Variants in RANBP2 observed in about 807,000 individuals in gnomAD.
The protein encoded by RANBP2 is E3 SUMO-protein ligase RanBP2.
Under a neutral mutation model 303.6 loss-of-function variants are expected in RANBP2, and 57 were observed. That is an observed-to-expected ratio of 0.19 (90% CI 0.15 to 0.23). RANBP2 has a LOEUF of 0.23. Among genes scored for constraint, RANBP2 ranks in the 10% least tolerant of loss-of-function variants. The pLI, the probability that RANBP2 is intolerant of heterozygous loss-of-function variation, is 1.00. For missense variants in RANBP2, 3,138 were observed against 3,780.8 expected (o/e 0.83, Z 4.46); for synonymous variants, 1,167 against 1,301.5 (o/e 0.90, Z 2.23).
At chr2:109,423,358 G>T in the RANBP2 span, among the ~76,000 whole-genome samples, 162 of 152,288 alleles carry the variant, frequency 1.1e-3, no homozygotes, top group African/African-American at 3.8e-3. Context: ...CGCAGACCTT[G>T]CTGTGATCAG....
Position 108,765,970 on chromosome 2 carries a change from C to G in RANBP2, c.5431C>G (p.His1811Asp). The G allele has an allele frequency of 6.2e-7, 1 of 1,614,160 alleles. No homozygotes were observed. The highest frequency in any genetic ancestry group is 8.5e-7 in the Non-Finnish European group (1 of 1,179,994). The change falls in exon 20 of 29, where the codon CAT becomes GAT. Residue 1811 changes from histidine to aspartate, a missense_variant. By Grantham distance (81) the His-to-Asp change is moderately conservative. Around this residue, in one of 20 missense-constraint regions of RANBP2, gnomAD observed 348 missense variants for 360.4 expected, o/e 0.97. Transcript: ENST00000283195. Reference protein sequence around the residue: ...CVACDASKPTHKPIAEAPSAF... With the variant: ...CVACDASKPTDKPIAEAPSAF... Reference sequence around the variant, plus strand: ...GGCTTGTGATGCCTCTAAACCAACTCATAAACCTATTGCAGAAGCTCCTTC... The same window carrying G: ...GGCTTGTGATGCCTCTAAACCAACTGATAAACCTATTGCAGAAGCTCCTTC...
the RANBP2 span, among the ~76,000 whole-genome samples, chr2:109,630,991 G>A: frequency 2.0e-5 from 3 of 152,222 alleles, no homozygotes; most frequent in Admixed American, 6.5e-5. Flanking sequence ...ACTTGAACCC[G>A]GGAGGCGGAG....
At chr2:109,397,897 C>T in the RANBP2 span, among the ~76,000 whole-genome samples, 5 of 152,244 alleles carry the variant, frequency 3.3e-5, no homozygotes, top group South Asian at 2.1e-4. Flanking sequence ...CTGCGCACAA[C>T]GCCTGCTATC....
At chr2:109,076,220 A>G in the RANBP2 span, among the ~76,000 whole-genome samples, 1 of 150,514 alleles carries the variant, frequency 6.6e-6, no homozygotes, top group Non-Finnish European at 1.5e-5. Flanking sequence ...TGCAGAAAAT[A>G]TTTGAAAAAA....
At chr2:109,018,433 T>A in the RANBP2 span, among the ~76,000 whole-genome samples, 1 of 151,920 alleles carries the variant, frequency 6.6e-6, no homozygotes, top group Non-Finnish European at 1.5e-5. Flanking sequence ...AGCCAGGGGG[T>A]CTTTTCCCAA....
At chr2:109,568,780 G>A in the RANBP2 span, among the ~76,000 whole-genome samples, 4 of 152,182 alleles carry the variant, frequency 2.6e-5, no homozygotes, top group South Asian at 2.1e-4. Flanking sequence ...TTTGTGCCTC[G>A]TTTCAGGACT....
the RANBP2 span, among the ~76,000 whole-genome samples, chr2:109,453,567 AC>A: frequency 2.0e-5 from 3 of 152,004 alleles, no homozygotes; most frequent in African/African-American, 7.3e-5. Flanking sequence ...GGCATCCCTA[AC>A]CACCCGACCG....
the RANBP2 span, among the ~76,000 whole-genome samples, chr2:109,539,458 C>A: frequency 3.3e-5 from 5 of 151,826 alleles, no homozygotes; most frequent in East Asian, 9.8e-4. Flanking sequence ...ACCACAGCTT[C>A]TTGTTTTTTG....
At chr2:109,538,260 G>A in the RANBP2 span, among the ~76,000 whole-genome samples, 97 of 152,194 alleles carry the variant, frequency 6.4e-4, no homozygotes, top group East Asian at 0.017. Context: ...AAAGGCTCTC[G>A]GCTTTCAAGG....
chr2:109,011,497 T>C, the RANBP2 span, among the ~76,000 whole-genome samples: 2 of 152,174 alleles, frequency 1.3e-5, no homozygotes, highest in Non-Finnish European at 1.5e-5. Flanking sequence ...TGTTCTCAAA[T>C]TTCTGAAATT....
At position 108,782,680 on chromosome 2, in the gene RANBP2, A is replaced by G; in HGVS notation, c.9187A>G (p.Asn3063Asp). ...SLAAELSKET[N>D]PVVFFDVCAD... is the part of the protein sequence containing the mutation. ...GGCAGCAGAATTATCAAAGGAGACCAATCCTGTGGTGTTTTTTGATGTTTG... is the reference window on the plus strand; with the variant it reads ...GGCAGCAGAATTATCAAAGGAGACCGATCCTGTGGTGTTTTTTGATGTTTG... The change falls in exon 28 of 29, where the codon AAT (asparagine) becomes GAT (aspartate). Residue 3063 changes from asparagine (N) to aspartate (D), a missense_variant. This residue lies in a region of RANBP2 where 204 missense variants were observed against 228.4 expected (regional missense o/e 0.89). Transcript: ENST00000283195. 1 of 1,614,256 alleles carries G rather than the reference A, an allele frequency of 6.2e-7. No homozygotes were observed. Among genetic ancestry groups the G allele is most frequent in the Non-Finnish European group, 8.5e-7 (1 of 1,180,044 alleles).
the RANBP2 span, among the ~76,000 whole-genome samples, chr2:109,267,028 C>G: frequency 1.3e-5 from 2 of 152,232 alleles, no homozygotes; most frequent in East Asian, 3.9e-4. Flanking sequence ...TACCTGCAGA[C>G]AGAGGTGGAT....
chr2:108,826,730 A>G, the RANBP2 span, among the ~76,000 whole-genome samples: 4 of 152,126 alleles, frequency 2.6e-5, no homozygotes, highest in African/African-American at 4.8e-5. Flanking sequence ...TTCTGGGTCA[A>G]TGGCATTTTC....
At chr2:109,653,560 T>G in the RANBP2 span, among the ~76,000 whole-genome samples, 1 of 152,130 alleles carries the variant, frequency 6.6e-6, no homozygotes, top group Non-Finnish European at 1.5e-5. Context: ...TCTCCCACTG[T>G]CATTCTTGCA....
At chr2:109,281,273 G>T in the RANBP2 span, among the ~76,000 whole-genome samples, 258 of 152,342 alleles carry the variant, frequency 1.7e-3, no homozygotes, top group Middle Eastern at 3.4e-3. Flanking sequence ...CAGGTTGTGG[G>T]TTTTGTTGGG....
At chr2:109,334,796 C>T in the RANBP2 span, among the ~76,000 whole-genome samples, 2 of 152,018 alleles carry the variant, frequency 1.3e-5, no homozygotes, top group African/African-American at 4.8e-5. Context: ...TTTTCTCTCT[C>T]CTTCTCCAAC....
chr2:109,308,911 T>C, the RANBP2 span, among the ~76,000 whole-genome samples: 1 of 80,470 alleles, frequency 1.2e-5, no homozygotes, highest in East Asian at 1.3e-3. Flanking sequence ...ATGCGGGCCC[T>C]TTTTTGGTTC....
chr2:108,865,351 G>A, the RANBP2 span, among the ~76,000 whole-genome samples: 1 of 152,198 alleles, frequency 6.6e-6, no homozygotes, highest in Non-Finnish European at 1.5e-5. Flanking sequence ...TTTGGTAGTA[G>A]TGATTTCAAA....
the RANBP2 span, among the ~76,000 whole-genome samples, chr2:109,571,258 T>C: frequency 6.6e-6 from 1 of 152,216 alleles, no homozygotes; most frequent in East Asian, 1.9e-4. Context: ...CAGTCTCAGA[T>C]AGTTCTTTAT....
Sources: gnomAD v4.1 joint callset for allele counts (sites outside exome capture counted in the v4.1 genomes callset) on GRCh38, gnomAD v4.1.1 for gene constraint, gnomAD v4.1.1 regional missense constraint, MANE v1.5 for transcripts, NCBI Gene and HGNC (gene_info 2026-07-23, HGNC 2026-07-21) for gene names.